The following IPO11 variants were observed in gnomAD, a reference collection of about 807,000 sequenced individuals.
IPO11 encodes importin 11, also known as importin-11.
In IPO11, 66 loss-of-function variants were observed where a neutral mutation model predicts 143.2. The observed-to-expected ratio is 0.46, with a 90% CI of 0.38 to 0.57. The LOEUF (loss-of-function observed/expected upper bound fraction) is 0.57. Among genes scored for constraint, IPO11 ranks in the 20% least tolerant of loss-of-function variants. The probability of loss-of-function intolerance (pLI) is 0.00; values close to 1 mark genes in which losing one functional copy is unlikely to be tolerated. For synonymous variants in IPO11, 385 were observed against 377.8 expected, an observed-to-expected ratio of 1.02 and a Z score of -0.22; for missense variants, 1,026 against 1,141.0, an observed-to-expected ratio of 0.90 and a Z score of 1.45.
intron 27 of IPO11, among the ~76,000 whole-genome samples, chr5:62,584,134 A>C (rs2112412695): frequency 6.6e-6 from 1 of 152,348 alleles, no homozygotes; most frequent in East Asian, 1.9e-4. Context: ...ATAACTTTTA[A>C]ATTTATAATT....
intron 5 of IPO11, among the ~76,000 whole-genome samples, chr5:62,452,390 G>A (rs776014513): frequency 6.6e-5 from 10 of 151,270 alleles, no homozygotes; most frequent in African/African-American, 2.0e-4. Context: ...AGATCACTTA[G>A]TTGCCAGTGA....
chr5:62,617,274 A>T (rs1421062567), intron 29 of IPO11, among the ~76,000 whole-genome samples: 4 of 152,266 alleles, frequency 2.6e-5, no homozygotes, highest in African/African-American at 9.6e-5. Context: ...GATTTCAAAT[A>T]GAAATCTCAT....
intron 3 of IPO11, among the ~76,000 whole-genome samples, chr5:62,447,695 C>T (rs192861147): frequency 9.9e-5 from 15 of 152,108 alleles, no homozygotes; most frequent in African/African-American, 3.6e-4. Context: ...CAGTGATCCT[C>T]CCACTGCAGC....
At chr5:62,534,725 A>G (rs1269146101) in intron 22 of IPO11, among the ~76,000 whole-genome samples, 2 of 152,142 alleles carry the variant, frequency 1.3e-5, no homozygotes, top group Non-Finnish European at 2.9e-5. Context: ...AAGGATGTTT[A>G]AAAGTATCCT....
chr5:62,486,040 G>A (rs1746392253), intron 12 of IPO11, among the ~76,000 whole-genome samples: 1 of 145,254 alleles, frequency 6.9e-6, no homozygotes, highest in Admixed American at 6.9e-5. Context: ...GGAGTGCACT[G>A]GTGCATCTCG....
At chr5:62,587,529 A>G (rs1286103703) in intron 27 of IPO11, among the ~76,000 whole-genome samples, 2 of 152,148 alleles carry the variant, frequency 1.3e-5, no homozygotes, top group African/African-American at 4.8e-5. Flanking sequence ...TTTTAAGTGA[A>G]TAAGTATTTT....
intron 1 of IPO11, among the ~76,000 whole-genome samples, chr5:62,426,713 A>C: frequency 6.6e-6 from 1 of 151,608 alleles, no homozygotes; most frequent in Non-Finnish European, 1.5e-5. Context: ...GAGCTTTCTT[A>C]ACACAACTAT....
chr5:62,588,624 C>T (rs1309575131), intron 27 of IPO11, among the ~76,000 whole-genome samples: 1 of 152,206 alleles, frequency 6.6e-6, no homozygotes, highest in Non-Finnish European at 1.5e-5. Context: ...CCAACAGATG[C>T]CCTGTGGTCA....
chr5:62,435,220 A>C (rs1396404734), intron 1 of IPO11, among the ~76,000 whole-genome samples: 1 of 125,182 alleles, frequency 8.0e-6, no homozygotes, highest in Admixed American at 8.4e-5. Flanking sequence ...GTGTATATAT[A>C]TATATATCAG....
At chr5:62,581,997 A>G (rs936211376) in intron 27 of IPO11, among the ~76,000 whole-genome samples, 2 of 152,182 alleles carry the variant, frequency 1.3e-5, no homozygotes, top group Admixed American at 6.6e-5. Flanking sequence ...GCTGCTTTTC[A>G]GGAACTAAAA....
chr5:62,561,182 T>C lies in IPO11; in HGVS notation c.2507T>C (p.Met836Thr). The change falls in exon 27 of 30, where the codon ATG becomes ACG. Residue 836 changes from methionine to threonine, a missense_variant. This residue lies in a region of IPO11 where 351 missense variants were observed against 358.9 expected (regional missense o/e 0.98). Coordinates refer to ENST00000325324, the MANE Select transcript of IPO11 (RefSeq NM_016338.5). The part of the protein sequence containing the change: ...GNMIEMWVDR[M>T]DNITQPERRK... ...ATGATTGAAATGTGGGTTGATCGAA[T>C]GGACAACATTACCCAGCCTGAAAGA... The C allele has an allele frequency of 6.2e-7, 1 of 1,611,012 alleles. No homozygotes were observed. Among genetic ancestry groups the C allele is most frequent in the Non-Finnish European group, 8.5e-7 (1 of 1,178,532 alleles).
chr5:62,563,807 A>G (rs1427275269), intron 27 of IPO11, among the ~76,000 whole-genome samples: 1 of 150,922 alleles, frequency 6.6e-6, no homozygotes, highest in African/African-American at 2.4e-5. Context: ...GGGCCATTTC[A>G]GATTTTTGGA....
intron 2 of IPO11, among the ~76,000 whole-genome samples, chr5:62,441,802 C>A (rs1457871675): frequency 1.3e-5 from 2 of 151,530 alleles, no homozygotes; most frequent in Non-Finnish European, 2.9e-5. Context: ...CAGGCATGAA[C>A]CACCATGCCC....
intron 24 of IPO11, among the ~76,000 whole-genome samples, chr5:62,547,830 C>T (rs1020614770): frequency 4.6e-5 from 7 of 151,950 alleles, no homozygotes; most frequent in Non-Finnish European, 7.4e-5. Flanking sequence ...CTCTTCAAAC[C>T]CTTTTGTTTT....
At chr5:62,438,827 A>G (rs1209198616) in intron 2 of IPO11, among the ~76,000 whole-genome samples, 3 of 152,126 alleles carry the variant, frequency 2.0e-5, no homozygotes, top group Non-Finnish European at 4.4e-5. Context: ...TGGGAGGCCA[A>G]GGCGGGCGAA....
chr5:62,413,017 G>C (rs1238235952), intron 1 of IPO11, 88 bp downstream of exon 1: 1 of 152,616 alleles, frequency 6.6e-6, no homozygotes, highest in East Asian at 1.9e-4. Context: ...GGAGGAAAGT[G>C]GGGCTACCAG....
intron 24 of IPO11, among the ~76,000 whole-genome samples, chr5:62,543,072 T>C: frequency 6.7e-6 from 1 of 148,994 alleles, no homozygotes; most frequent in East Asian, 1.9e-4. Context: ...AGAAATTAAA[T>C]CACAAAGTGG....
At chr5:62,461,596 T>G (rs1160534062) in intron 5 of IPO11, among the ~76,000 whole-genome samples, 1 of 152,090 alleles carries the variant, frequency 6.6e-6, no homozygotes, top group Non-Finnish European at 1.5e-5. Context: ...AGCTAGAGAG[T>G]CTTGAATTAG....
intron 24 of IPO11, among the ~76,000 whole-genome samples, chr5:62,544,767 A>G (rs1743095833): frequency 6.6e-6 from 1 of 152,218 alleles, no homozygotes; most frequent in African/African-American, 2.4e-5. Flanking sequence ...AGGATACAAA[A>G]TCAATATGCA....
Sources: allele counts gnomAD v4.1 joint callset (sites outside exome capture counted in the v4.1 genomes callset), GRCh38; gene constraint gnomAD v4.1.1; regional missense constraint gnomAD v4.1.1; transcripts MANE v1.5; gene names NCBI Gene and HGNC (gene_info 2026-07-23, HGNC 2026-07-21).